ADGRB3: variants seen among roughly 807,000 people sequenced by gnomAD.
The protein encoded by ADGRB3 is adhesion G protein-coupled receptor B3.
A neutral mutation model predicts 193.4 loss-of-function variants in ADGRB3; 37 were observed. The observed-to-expected ratio is 0.19, with a 90% CI of 0.15 to 0.25. The LOEUF is 0.25. ADGRB3 is among the 10% of genes least tolerant of loss of function. ADGRB3 has a pLI of 1.00. For synonymous variants in ADGRB3, 690 were observed against 644.2 expected (o/e 1.07, Z -1.08); for missense variants, 1,637 against 1,852.9 (o/e 0.88, Z 2.14).
At chr6:68,930,332 T>C (rs1767304168) in intron 3 of ADGRB3, among the ~76,000 whole-genome samples, 1 of 152,102 alleles carries the variant, frequency 6.6e-6, no homozygotes, top group Non-Finnish European at 1.5e-5. Context: ...TTAAAATCTG[T>C]TGTGTCATTT....
chr6:69,231,680 G>A (rs945660239), intron 17 of ADGRB3, among the ~76,000 whole-genome samples: 7 of 152,132 alleles, frequency 4.6e-5, no homozygotes, highest in East Asian at 1.9e-4. Context: ...TAAAAAATTG[G>A]CATGGTTGCA....
In ADGRB3 at chr6:69,385,263, TACC is replaced by T. The variant is rs1770044069; in HGVS notation, c.4380+2329_4380+2331del. ...AATAAGCATACTCTTTTTTGCTTCGTACCTAAATATTGGTAGGTTGAAAGAAGG... is the reference window on the plus strand; with the variant it reads ...AATAAGCATACTCTTTTTTGCTTCGTTAAATATTGGTAGGTTGAAAGAAGG... On this transcript the variant is annotated intron_variant, in intron 31 of 31. Transcript: ENST00000370598. 2.0e-5 allele frequency among the ~76,000 whole-genome samples: 3 copies of T among 152,022 alleles called. No individual in the cohort carries two copies. In the East Asian group the frequency reaches 5.8e-4, roughly 29 times the overall value.
chr6:68,951,353 C>G (rs1767912017), intron 6 of ADGRB3, among the ~76,000 whole-genome samples: 1 of 152,114 alleles, frequency 6.6e-6, no homozygotes, highest in Non-Finnish European at 1.5e-5. Flanking sequence ...ATATCGTCGT[C>G]TCCTGAGACT....
chr6:68,750,595 C>G (rs561037255), intron 3 of ADGRB3, among the ~76,000 whole-genome samples: 1 of 151,958 alleles, frequency 6.6e-6, no homozygotes, highest in South Asian at 2.1e-4. Flanking sequence ...AATATTTTTT[C>G]TTTTTCTGCC....
chr6:68,664,723 C>T (rs1454550219), intron 3 of ADGRB3, among the ~76,000 whole-genome samples: 2 of 151,792 alleles, frequency 1.3e-5, no homozygotes, highest in African/African-American at 4.8e-5. Flanking sequence ...GAGAGTTAAG[C>T]GTGCCCAGGG....
intron 11 of ADGRB3, among the ~76,000 whole-genome samples, chr6:69,005,332 C>G (rs1166643873): frequency 6.6e-6 from 1 of 151,190 alleles, no homozygotes; most frequent in Non-Finnish European, 1.5e-5. Flanking sequence ...TTGTTGGAGT[C>G]CTTGATCCTA....
intron 3 of ADGRB3, among the ~76,000 whole-genome samples, chr6:68,777,204 G>A (rs1178028411): frequency 6.6e-6 from 1 of 152,088 alleles, no homozygotes; most frequent in Non-Finnish European, 1.5e-5. Flanking sequence ...GTGTGTTCTT[G>A]TCTCTGAAAG....
At chr6:69,322,428 C>T (rs562650871) in intron 20 of ADGRB3, among the ~76,000 whole-genome samples, 1 of 152,020 alleles carries the variant, frequency 6.6e-6, no homozygotes, top group South Asian at 2.1e-4. Flanking sequence ...GGAATCGCCA[C>T]ACTGTCTTCA....
intron 3 of ADGRB3, among the ~76,000 whole-genome samples, chr6:68,788,974 A>G (rs1204434845): frequency 4.6e-5 from 7 of 152,168 alleles, no homozygotes; most frequent in Non-Finnish European, 1.0e-4. Context: ...CTGGGATTGC[A>G]AACCCTGCCT....
At chr6:69,268,569 A>G (rs527786859) in intron 20 of ADGRB3, among the ~76,000 whole-genome samples, 27 of 152,174 alleles carry the variant, frequency 1.8e-4, no homozygotes, top group African/African-American at 6.0e-4. Context: ...CATCTACACA[A>G]AAGTATTGAC....
intron 17 of ADGRB3, among the ~76,000 whole-genome samples, chr6:69,099,739 A>G (rs372557121): frequency 1.3e-5 from 2 of 152,334 alleles, no homozygotes; most frequent in South Asian, 2.1e-4. Context: ...ATAGGGCAGA[A>G]TGAGGTCTTC....
chr6:69,037,117 G>T (rs1032520558), intron 13 of ADGRB3, among the ~76,000 whole-genome samples: 3 of 152,074 alleles, frequency 2.0e-5, no homozygotes, highest in Non-Finnish European at 4.4e-5. Context: ...TTGATGGGTG[G>T]GTTGTAGGGG....
intron 4 of ADGRB3, among the ~76,000 whole-genome samples, chr6:68,931,600 C>A (rs2150246550): frequency 6.6e-6 from 1 of 152,150 alleles, no homozygotes; most frequent in Middle Eastern, 3.4e-3. Context: ...AGTACATGAC[C>A]AGTTTCCTGA....
intron 7 of ADGRB3, 118 bp from the exon 8 acceptor site, chr6:68,956,527 G>A: frequency 8.0e-7 from 1 of 1,257,478 alleles, no homozygotes; most frequent in Non-Finnish European, 1.1e-6. Flanking sequence ...TTTGAATAAG[G>A]TTTATTCACA....
At chr6:69,192,938 CAT>C (rs1371009828) in intron 17 of ADGRB3, among the ~76,000 whole-genome samples, 10 of 152,234 alleles carry the variant, frequency 6.6e-5, no homozygotes, top group Admixed American at 2.6e-4. Context: ...TGAGGGGAAA[CAT>C]AAACTTGGCC....
chr6:69,223,547 T>C (rs1302105020), intron 17 of ADGRB3, among the ~76,000 whole-genome samples: 2 of 151,976 alleles, frequency 1.3e-5, no homozygotes, highest in African/African-American at 2.4e-5. Flanking sequence ...ACACCATAAT[T>C]ATAATTTCAA....
intron 10 of ADGRB3, among the ~76,000 whole-genome samples, chr6:68,982,898 G>A (rs1196959018): frequency 5.3e-5 from 8 of 151,928 alleles, no homozygotes; most frequent in South Asian, 4.2e-4. Context: ...AGAAACTTTC[G>A]CAGGAGAAAA....
In ADGRB3 at chr6:69,372,327, G is replaced by T. The variant is rs760087939; in HGVS notation, c.4240-79G>T. 1.0e-5 allele frequency: 8 copies of T among 769,258 alleles called. No individual in the cohort carries two copies. The Admixed American group carries it at 1.8e-4, about 17-fold the overall frequency. 47.7% of individuals were successfully genotyped at this position (769,258 alleles called of 1,614,324 possible). A position where few individuals can be genotyped will look rare whatever the true frequency, so the allele number is the denominator to read the frequency against. ...AAGCAGGATTATCTTTAATGAAAAT[G>T]ATGATTTTTCATTTTGTTTGAATGA... On this transcript the variant is annotated intron_variant, in intron 29 of 31. Coordinates refer to ENST00000370598, the MANE Select transcript of ADGRB3 (RefSeq NM_001704.3).
chr6:68,766,273 A>G (rs148564937), intron 3 of ADGRB3, among the ~76,000 whole-genome samples: 1 of 151,886 alleles, frequency 6.6e-6, no homozygotes, highest in East Asian at 1.9e-4. Context: ...TTTATTTTCA[A>G]TGTTGCATGT....
Sources: gnomAD v4.1 joint callset for allele counts (sites outside exome capture counted in the v4.1 genomes callset) on GRCh38, gnomAD v4.1.1 for gene constraint, MANE v1.5 for transcripts, NCBI Gene and HGNC (gene_info 2026-07-23, HGNC 2026-07-21) for gene names.